Variants in ANK2 observed in about 807,000 individuals in gnomAD.
ANK2 encodes the protein ankyrin 2, also known as ankyrin-2.
ANK2 carries 83 observed loss-of-function variants against 360.5 expected under a neutral mutation model. That is an observed-to-expected ratio of 0.23 (90% CI 0.19 to 0.28). The LOEUF (loss-of-function observed/expected upper bound fraction) is 0.28, where lower values mean the gene tolerates loss of function less well. Among genes scored for constraint, ANK2 ranks in the 10% least tolerant of loss-of-function variants. ANK2 has a pLI of 1.00. For synonymous variants in ANK2, 1,740 were observed against 1,759.5 expected (o/e 0.99, Z 0.28); for missense variants, 4,201 against 4,795.7 (o/e 0.88, Z 3.66).
At chr4:113,111,562 A>G (rs1363090006) in intron 1 of ANK2, among the ~76,000 whole-genome samples, 1 of 152,158 alleles carries the variant, frequency 6.6e-6, no homozygotes, top group Non-Finnish European at 1.5e-5. Context: ...AGCTTTTATA[A>G]AAAGCTGTTA....
intron 3 of ANK2, among the ~76,000 whole-genome samples, 159 bp from the exon 4 acceptor site, chr4:113,198,852 A>G (rs1439856721): frequency 1.3e-5 from 2 of 151,566 alleles, no homozygotes; most frequent in African/African-American, 2.4e-5. Context: ...TTTTTTTTTG[A>G]TGGTAAAAAA....
intron 23 of ANK2, among the ~76,000 whole-genome samples, chr4:113,309,017 C>T (rs1179306367): frequency 6.6e-6 from 1 of 152,180 alleles, no homozygotes; most frequent in African/African-American, 2.4e-5. Context: ...GATTTGTATG[C>T]AGAATTTTCC....
At chr4:112,899,667 T>C (rs2082724015) in intron 1 of ANK2, among the ~76,000 whole-genome samples, 1 of 152,186 alleles carries the variant, frequency 6.6e-6, no homozygotes, top group Non-Finnish European at 1.5e-5. Context: ...GTGTCTTAGT[T>C]CCCATCTTCA....
chr4:113,349,964 C>T (rs1410044357), intron 36 of ANK2, among the ~76,000 whole-genome samples: 1 of 152,078 alleles, frequency 6.6e-6, no homozygotes, highest in East Asian at 1.9e-4. Flanking sequence ...AACATCAAAA[C>T]CAGCCTGGGT....
At position 113,383,269 on chromosome 4, in the gene ANK2, G is replaced by A. The variant is rs2097198961; in HGVS notation, c.*1798G>A. On this transcript the variant is annotated 3_prime_UTR_variant, in exon 46 of 46. Transcript: ENST00000357077. ...ATGTTGCCAAGAGAAAAAATTTCCT[G>A]GGAGGGAGGTTTCCCACAAGCCAAA... is the stretch of plus-strand genomic sequence containing the variant. 1 of 152,552 alleles carries A rather than the reference G, an allele frequency of 6.6e-6. No homozygotes were observed. 9.4% of individuals were successfully genotyped at this position (152,552 alleles called of 1,614,324 possible).
chr4:113,295,800 C>T (rs1194427323), intron 22 of ANK2, among the ~76,000 whole-genome samples: 1 of 152,088 alleles, frequency 6.6e-6, no homozygotes, highest in Non-Finnish European at 1.5e-5. Flanking sequence ...TTACATGTTT[C>T]GATGCTGGTC....
the ANK2 span, among the ~76,000 whole-genome samples, chr4:112,750,405 T>G: frequency 6.6e-6 from 1 of 152,198 alleles, no homozygotes; most frequent in Non-Finnish European, 1.5e-5. Flanking sequence ...TACATACCTT[T>G]TCTATGTTTA....
chr4:113,223,018 A>G (rs763791119), intron 4 of ANK2, among the ~76,000 whole-genome samples: 10 of 152,134 alleles, frequency 6.6e-5, no homozygotes, highest in Non-Finnish European at 2.9e-5. Context: ...AGTAGTCTTT[A>G]TTTTTGTGAC....
chr4:113,339,762 T>C (rs2094032347), intron 32 of ANK2, among the ~76,000 whole-genome samples: 2 of 152,290 alleles, frequency 1.3e-5, no homozygotes, highest in Non-Finnish European at 2.9e-5. Flanking sequence ...ATTTATGTAT[T>C]ACATATCTTT....
chr4:113,186,562 CTCTCTCTCTCTCTCTCTCTCTCTCT>C (rs1400236011), intron 2 of ANK2, among the ~76,000 whole-genome samples: 11 of 66,612 alleles, frequency 1.7e-4, no homozygotes, highest in Non-Finnish European at 2.6e-4. Context: ...CTTCCCGTGT[CTCTCTCTCTCTCTCTCTCTCTCTCT>C]TCTCTCTCTC....
intron 1 of ANK2, among the ~76,000 whole-genome samples, chr4:113,127,652 GCTT>G (rs916630505): frequency 7.2e-5 from 11 of 152,080 alleles, no homozygotes; most frequent in African/African-American, 2.7e-4. Context: ...CTGGTGAACA[GCTT>G]GGCATGATCA....
chr4:112,862,811 A>G (rs530962096), intron 1 of ANK2, among the ~76,000 whole-genome samples: 7 of 152,246 alleles, frequency 4.6e-5, no homozygotes, highest in East Asian at 1.9e-4. Context: ...ATTCTCGGCT[A>G]CTTGAGAGGA....
At chr4:113,287,760 G>A in intron 19 of ANK2, 57 bp downstream of exon 19, 1 of 1,444,886 alleles carries the variant, frequency 6.9e-7, no homozygotes, top group Non-Finnish European at 9.7e-7. Flanking sequence ...ATTCCCAGTA[G>A]CCCCCATTCG....
upstream of ANK2, among the ~76,000 whole-genome samples, chr4:113,046,113 G>A (rs28462973): frequency 0.025 from 3,746 of 152,138 alleles, 140 homozygotes; most frequent in African/African-American, 0.085. Context: ...GGAAATTGAC[G>A]GAAAGCTTTC....
intron 2 of ANK2, among the ~76,000 whole-genome samples, chr4:113,190,440 T>C (rs2098640203): frequency 6.6e-6 from 1 of 152,044 alleles, no homozygotes; most frequent in African/African-American, 2.4e-5. Context: ...GAGCTTGGCA[T>C]GCATTTGACA....
chr4:113,083,362 T>C (rs2083196523), intron 1 of ANK2, among the ~76,000 whole-genome samples: 1 of 152,098 alleles, frequency 6.6e-6, no homozygotes, highest in African/African-American at 2.4e-5. Flanking sequence ...AAAATATTTT[T>C]GTAGAGATGG....
chr4:112,749,653 TGATA>T, the ANK2 span, among the ~76,000 whole-genome samples: 1 of 152,208 alleles, frequency 6.6e-6, no homozygotes, highest in Non-Finnish European at 1.5e-5. Context: ...TTGTGGAAAG[TGATA>T]GATAATAATG....
chr4:112,705,808 C>A, the ANK2 span, among the ~76,000 whole-genome samples: 2 of 152,220 alleles, frequency 1.3e-5, no homozygotes, highest in Non-Finnish European at 2.9e-5. Flanking sequence ...AGAATAAGCC[C>A]GGCAGCTCGC....
At chr4:113,259,326 A>T (rs1402629785) in intron 13 of ANK2, among the ~76,000 whole-genome samples, 2 of 152,356 alleles carry the variant, frequency 1.3e-5, no homozygotes, top group Admixed American at 6.5e-5. Flanking sequence ...TAAGCTTATT[A>T]TTAAAATGAG....
Sources: allele counts gnomAD v4.1 joint callset (sites outside exome capture counted in the v4.1 genomes callset), GRCh38; gene constraint gnomAD v4.1.1; transcripts MANE v1.5; gene names NCBI Gene and HGNC (gene_info 2026-07-23, HGNC 2026-07-21).